CHD6: variants seen among roughly 807,000 people sequenced by gnomAD.
CHD6 encodes chromodomain helicase DNA binding protein 6.
CHD6 carries 50 observed loss-of-function variants against 276.9 expected under a neutral mutation model. That is an observed-to-expected ratio of 0.18 (90% confidence interval 0.14 to 0.23). The LOEUF is 0.23. Ranked by LOEUF, CHD6 falls within the 10% of genes least tolerant of loss-of-function variation. The pLI, the probability that CHD6 is intolerant of heterozygous loss-of-function variation, is 1.00. For missense variants in CHD6, 2,564 were observed against 3,365.8 expected, an observed-to-expected ratio of 0.76 and a Z score of 5.89; for synonymous variants, 1,173 against 1,229.3, an observed-to-expected ratio of 0.95 and a Z score of 0.96.
At chr20:41,520,760 T>A (rs1341874009) in intron 3 of CHD6, among the ~76,000 whole-genome samples, 1 of 152,000 alleles carries the variant, frequency 6.6e-6, no homozygotes, top group Non-Finnish European at 1.5e-5. Flanking sequence ...ACATGGCACA[T>A]GTATACATAT....
At chr20:41,443,481 T>C (rs1286667180) in intron 25 of CHD6, among the ~76,000 whole-genome samples, 3 of 152,204 alleles carry the variant, frequency 2.0e-5, no homozygotes, top group Non-Finnish European at 2.9e-5. Context: ...TCCTGGTGAG[T>C]TGTATCTATC....
intron 1 of CHD6, among the ~76,000 whole-genome samples, chr20:41,616,654 C>T (rs562889166): frequency 1.3e-5 from 2 of 152,200 alleles, no homozygotes; most frequent in African/African-American, 2.4e-5. Context: ...CTTACCACTC[C>T]GCATTTTCCC....
At chr20:41,436,132 A>G (rs2047702152) in intron 27 of CHD6, among the ~76,000 whole-genome samples, 2 of 152,246 alleles carry the variant, frequency 1.3e-5, no homozygotes, top group Admixed American at 6.5e-5. Context: ...ACAAAAGACT[A>G]GTATCTAGAA....
At chr20:41,527,221 G>A (rs907976619) in intron 3 of CHD6, among the ~76,000 whole-genome samples, 4 of 152,136 alleles carry the variant, frequency 2.6e-5, no homozygotes, top group Non-Finnish European at 5.9e-5. Flanking sequence ...CAAATCACTT[G>A]AGGACAGGAG....
chr20:41,484,391 C>A lies in CHD6; in HGVS notation c.2218G>T (p.Glu740Ter). The change falls in exon 15 of 37, where the codon GAG (glutamate) becomes TAG (stop). Residue 740 changes from glutamate to a stop codon, truncating the protein, a stop_gained. Transcript: ENST00000373233. LOFTEE classifies it high-confidence loss of function. ...NMPNLINTMMELRKCCNHPYL... is the reference protein window; with the variant it reads ...NMPNLINTMM The stretch of plus-strand genomic sequence containing the variant: ...GGATGGTTACAGCACTTCCTCAGCT[C>A]CATCATGGTGTTGATGAGATTGGGC... 6.2e-7 allele frequency: 1 copy of A among 1,613,868 alleles called. No individual in the cohort carries two copies. Among genetic ancestry groups the A allele is most frequent in the Non-Finnish European group, 8.5e-7 (1 of 1,179,826 alleles).
rs537909776 is a variant in CHD6 at position 41,445,439 on chromosome 20, G to T, written c.3877+226C>A. Among the ~76,000 whole-genome samples, 60 of 152,278 alleles carry T rather than the reference G, an allele frequency of 3.9e-4. No individual in the cohort carries two copies. The South Asian group carries it at 0.012, about 31-fold the overall frequency. On this transcript the variant is annotated intron_variant, in intron 25 of 36. Coordinates refer to ENST00000373233, the MANE Select transcript of CHD6 (RefSeq NM_032221.5). Reference sequence around the variant, plus strand: ...GATATACACCAAACAGGTTCTTTGTGGCCTGAATGTTCCTCAATAATATAA... The same window carrying T: ...GATATACACCAAACAGGTTCTTTGTTGCCTGAATGTTCCTCAATAATATAA...
chr20:41,419,789 C>T (rs1302057752), intron 31 of CHD6, among the ~76,000 whole-genome samples: 1 of 151,978 alleles, frequency 6.6e-6, no homozygotes, highest in African/African-American at 2.4e-5. Flanking sequence ...CTACAGCTAA[C>T]AATCATTTTG....
intron 26 of CHD6, among the ~76,000 whole-genome samples, chr20:41,438,773 T>G (rs1253510213): frequency 1.3e-5 from 2 of 152,184 alleles, no homozygotes; most frequent in Non-Finnish European, 2.9e-5. Context: ...CAGAGAGTGT[T>G]TTCCCTGAAT....
intron 27 of CHD6, among the ~76,000 whole-genome samples, chr20:41,428,994 A>G (rs2047449937): frequency 1.3e-5 from 2 of 152,194 alleles, no homozygotes; most frequent in South Asian, 4.1e-4. Context: ...AAACTTTTGG[A>G]ACAATGGAAT....
chr20:41,404,821 C>T lies in CHD6; in HGVS notation c.7920G>A (p.Gln2640=). The change falls in exon 37 of 37, where the codon CAG becomes CAA. Residue 2640 remains glutamine (Q), a synonymous_variant. Coordinates refer to ENST00000373233, the MANE Select transcript of CHD6 (RefSeq NM_032221.5). ...PGMGMALPAM[Q]QARHSEIVGL... ...CTACTATTTCCGAGTGTCTGGCCTG[C>T]TGCATGGCTGGCAGAGCCATGCCCA... is the stretch of plus-strand genomic sequence containing the variant. 2 of 1,613,984 alleles carry T rather than the reference C, an allele frequency of 1.2e-6. No individual in the cohort carries two copies. The highest frequency in any genetic ancestry group is 1.7e-6 in the Non-Finnish European group (2 of 1,179,930).
At chr20:41,610,739 CAG>C (rs2045878401) in intron 1 of CHD6, among the ~76,000 whole-genome samples, 2 of 151,052 alleles carry the variant, frequency 1.3e-5, no homozygotes, top group African/African-American at 2.4e-5. Flanking sequence ...GCCTGGGTGA[CAG>C]AGTGAGACTC....
chr20:41,513,592 G>A (rs190183695), intron 4 of CHD6, among the ~76,000 whole-genome samples: 1 of 152,206 alleles, frequency 6.6e-6, no homozygotes, highest in Admixed American at 6.5e-5. Context: ...GATGATCTAA[G>A]GATTCATCTC....
At chr20:41,557,043 G>A (rs1467924819) in intron 1 of CHD6, among the ~76,000 whole-genome samples, 2 of 152,146 alleles carry the variant, frequency 1.3e-5, no homozygotes, top group Non-Finnish European at 2.9e-5. Flanking sequence ...GCTCAATAAA[G>A]AACAAATCAA....
At chr20:41,606,272 GAGGCCA>G (rs1203613472) in intron 1 of CHD6, among the ~76,000 whole-genome samples, 1 of 152,152 alleles carries the variant, frequency 6.6e-6, no homozygotes, top group East Asian at 1.9e-4. Flanking sequence ...AGCACTTTGG[GAGGCCA>G]AGGCGGGCAG....
chr20:41,473,202 G>T lies in CHD6; in HGVS notation c.2664+120C>A. 1.1e-6 allele frequency: 1 copy of T among 905,184 alleles called. No homozygotes were observed. The highest frequency in any genetic ancestry group is 1.7e-6 in the Non-Finnish European group (1 of 603,456). 56.1% of individuals were successfully genotyped at this position (905,184 alleles called of 1,614,324 possible). On this transcript the variant is annotated intron_variant, in intron 17 of 36. Coordinates refer to ENST00000373233, the MANE Select transcript of CHD6 (RefSeq NM_032221.5). The surrounding 1 kb of genome is among the most constrained non-coding windows in gnomAD (Gnocchi z 4.1). ...ACCCCCTGACCAAGGCCCTAAGCCT[G>T]TCATCCAGCTGACACCATAGCATAG...
At chr20:41,462,705 C>A (rs1344506447) in intron 17 of CHD6, among the ~76,000 whole-genome samples, 1 of 152,108 alleles carries the variant, frequency 6.6e-6, no homozygotes, top group Non-Finnish European at 1.5e-5. Flanking sequence ...CATACATATA[C>A]ATAAAGGTAC....
At chr20:41,594,038 A>C (rs1246703298) in intron 1 of CHD6, among the ~76,000 whole-genome samples, 9 of 152,184 alleles carry the variant, frequency 5.9e-5, no homozygotes, top group Non-Finnish European at 8.8e-5. Context: ...TGCTACTTCT[A>C]AATCTACCCT....
At chr20:41,534,543 C>T (rs2044778081) in intron 2 of CHD6, among the ~76,000 whole-genome samples, 1 of 150,232 alleles carries the variant, frequency 6.7e-6, no homozygotes, top group African/African-American at 2.5e-5. Flanking sequence ...ACTGAGAATC[C>T]CAGGAGAAAA....
chr20:41,516,771 G>A (rs571616633), intron 3 of CHD6, among the ~76,000 whole-genome samples: 10 of 152,246 alleles, frequency 6.6e-5, no homozygotes, highest in East Asian at 5.8e-4. Flanking sequence ...TTCATTCTGC[G>A]TGAAAAGGGC....
Sources: gnomAD v4.1 joint callset for allele counts (sites outside exome capture counted in the v4.1 genomes callset) on GRCh38, gnomAD v4.1.1 for gene constraint, Gnocchi (gnomAD v3.1) non-coding constraint, MANE v1.5 for transcripts, NCBI Gene and HGNC (gene_info 2026-07-23, HGNC 2026-07-21) for gene names.